Variants in SULT1B1 observed in about 807,000 individuals in gnomAD.
The protein encoded by SULT1B1 is sulfotransferase 1B1.
In SULT1B1, 28 loss-of-function variants were observed where a neutral mutation model predicts 34.6. The observed-to-expected ratio is 0.81, with a 90% CI of 0.60 to 1.11. The LOEUF is 1.11. Among genes scored for constraint, SULT1B1 ranks in the 50% least tolerant of loss-of-function variants. SULT1B1 has a pLI of 0.00. For synonymous variants in SULT1B1, 147 were observed against 110.2 expected, an observed-to-expected ratio of 1.33 and a Z score of -2.09; for missense variants, 374 against 352.2, an observed-to-expected ratio of 1.06 and a Z score of -0.50.
chr4:69,743,422 T>C (rs1184377796), intron 4 of SULT1B1, among the ~76,000 whole-genome samples: 1 of 152,068 alleles, frequency 6.6e-6, no homozygotes, highest in Non-Finnish European at 1.5e-5. Context: ...GTCCCATTGG[T>C]CCATGGGCAG....
In SULT1B1 at chr4:69,724,427, A is replaced by T. The variant is rs1297584872; in HGVS notation, c.*2661T>A. 6.6e-6 allele frequency: 1 copy of T among 152,154 alleles called. No individual in the cohort carries two copies. Among genetic ancestry groups the T allele is most frequent in the Non-Finnish European group, 1.5e-5 (1 of 68,044 alleles). 9.4% of individuals were successfully genotyped at this position (152,154 alleles called of 1,614,324 possible). On this transcript the variant is annotated 3_prime_UTR_variant, in exon 8 of 8. Transcript: ENST00000310613. ...CTCATGGATAGGAAGAATCAATATCATGAAAATGGCCATACTGCCCAAGGT... is the reference window on the plus strand; with the variant it reads ...CTCATGGATAGGAAGAATCAATATCTTGAAAATGGCCATACTGCCCAAGGT...
In SULT1B1 at chr4:69,758,552, A is replaced by G. The variant is rs545478186; in HGVS notation, c.-45+1907T>C. 2.2e-3 allele frequency: 1,825 copies of G among 822,438 alleles called. 1 individual carries two copies. The highest frequency in any genetic ancestry group is 3.0e-3 in the Admixed American group (48 of 16,064). 50.9% of individuals were successfully genotyped at this position (822,438 alleles called of 1,614,324 possible). ...ATTGTCTATTCTGAATTAATTGAGA[A>G]AAATAAATGAGTCTCTATTCATCGG... On this transcript the variant is annotated intron_variant, in intron 1 of 7. Coordinates refer to ENST00000310613, the MANE Select transcript of SULT1B1 (RefSeq NM_014465.4).
chr4:69,736,768 A>G (rs1718330022), intron 4 of SULT1B1, among the ~76,000 whole-genome samples: 1 of 152,124 alleles, frequency 6.6e-6, no homozygotes, highest in Non-Finnish European at 1.5e-5. Context: ...AGAATCAGCA[A>G]ACATAAAGGT....
chr4:69,746,614 T>C (rs1239818923), intron 4 of SULT1B1, among the ~76,000 whole-genome samples: 1 of 152,228 alleles, frequency 6.6e-6, no homozygotes, highest in Non-Finnish European at 1.5e-5. Flanking sequence ...AGTTTTACTG[T>C]ATTCCTTGGA....
In SULT1B1 at chr4:69,723,368, T is replaced by G. The variant is rs1717713115; in HGVS notation, c.*3720A>C. 1 of 152,084 alleles carries G rather than the reference T, an allele frequency of 6.6e-6. No individual in the cohort carries two copies. Among genetic ancestry groups the G allele is most frequent in the Admixed American group, 6.6e-5 (1 of 15,266 alleles). The allele number at this position is 152,084 out of a possible 1,614,324, so 9.4% of individuals were successfully genotyped here. On this transcript the variant is annotated 3_prime_UTR_variant, in exon 8 of 8. Transcript: ENST00000310613. ...AATAGAAAAATAACATGCTCTGAAA[T>G]AGAGGCAATAATTAATAGCTTACCA...
In SULT1B1 at chr4:69,760,567, G is replaced by A. The variant is rs1010766264; in HGVS notation, c.-153C>T. 1.3e-5 allele frequency: 2 copies of A among 152,072 alleles called. No homozygotes were observed. Among genetic ancestry groups the A allele is most frequent in the African/African-American group, 4.8e-5 (2 of 41,362 alleles). 9.4% of individuals were successfully genotyped at this position (152,072 alleles called of 1,614,324 possible). A position where few individuals can be genotyped will look rare whatever the true frequency, so the allele number is the denominator to read the frequency against. ...TGGCAGGCAATGGGGAGCACAGGAAGGCTCCTGGCACCAGAAAAAAAAAAG... is the reference window on the plus strand; with the variant it reads ...TGGCAGGCAATGGGGAGCACAGGAAAGCTCCTGGCACCAGAAAAAAAAAAG... On this transcript the variant is annotated 5_prime_UTR_variant, in exon 1 of 8. Transcript: ENST00000310613.
chr4:69,751,088 T>A (rs539254230), intron 3 of SULT1B1, among the ~76,000 whole-genome samples: 21 of 152,382 alleles, frequency 1.4e-4, no homozygotes, highest in Non-Finnish European at 1.6e-4. Context: ...TGTATTTTAT[T>A]TGCCAATATA....
chr4:69,758,215 T>A (rs1719262688), intron 1 of SULT1B1: 1 of 766,246 alleles, frequency 1.3e-6, no homozygotes, highest in Non-Finnish European at 1.6e-6. Context: ...GAAAAGAAAG[T>A]AAGTCTGTAA....
rs200172745 is a variant in SULT1B1 at position 69,726,302 on chromosome 4, A to T, written c.*786T>A. The T allele has an allele frequency of 1.3e-5, 2 of 151,336 alleles. No individual in the cohort carries two copies. Among genetic ancestry groups the T allele is most frequent in the East Asian group, 2.0e-4 (1 of 5,114 alleles). The allele number at this position is 151,336 out of a possible 1,614,324, so 9.4% of individuals were successfully genotyped here. A position where few individuals can be genotyped will look rare whatever the true frequency, so the allele number is the denominator to read the frequency against. Reference sequence around the variant, plus strand: ...AATCTATCCAAATATAAGATTAAGTAACTGAAGTTCCCAAATGGTGACCAG... The same window carrying T: ...AATCTATCCAAATATAAGATTAAGTTACTGAAGTTCCCAAATGGTGACCAG... On this transcript the variant is annotated 3_prime_UTR_variant, in exon 8 of 8. Coordinates refer to ENST00000310613, the MANE Select transcript of SULT1B1 (RefSeq NM_014465.4).
chr4:69,736,606 A>T (rs750307093), intron 4 of SULT1B1, among the ~76,000 whole-genome samples: 63 of 152,350 alleles, frequency 4.1e-4, no homozygotes, highest in Non-Finnish European at 7.5e-4. Context: ...AATTGAAAAA[A>T]AATTTAAAAT....
chr4:69,748,608 A>C (rs1048616737), intron 4 of SULT1B1, among the ~76,000 whole-genome samples: 2 of 152,248 alleles, frequency 1.3e-5, no homozygotes, highest in Admixed American at 1.3e-4. Context: ...TTAACAAGAT[A>C]GAACAAGATG....
chr4:69,752,281 G>C (rs1179815523), intron 3 of SULT1B1, among the ~76,000 whole-genome samples: 2 of 152,242 alleles, frequency 1.3e-5, no homozygotes, highest in East Asian at 3.9e-4. Context: ...TTTCGCCCAG[G>C]CTGGAGTACA....
Position 69,754,811 on chromosome 4 carries a change from G to A in SULT1B1, c.149-13C>T. 3 of 1,605,482 alleles carry A rather than the reference G, an allele frequency of 1.9e-6. No homozygotes were observed. Among genetic ancestry groups the A allele is most frequent in the Non-Finnish European group, 2.6e-6 (3 of 1,176,168 alleles). On this transcript the variant is annotated splice_polypyrimidine_tract_variant and intron_variant, in intron 2 of 7. Transcript: ENST00000310613. ...ACCCAAGTAGTACCTGTGACAAAAG[G>A]CAACATTTTCAAAATAATTACCCAA...
In SULT1B1 at chr4:69,749,813, C is replaced by G. The variant is rs1490798718; in HGVS notation, c.283G>C (p.Glu95Gln). The G allele has an allele frequency of 6.2e-7, 1 of 1,611,936 alleles. No individual in the cohort carries two copies. Among genetic ancestry groups the G allele is most frequent in the South Asian group, 1.1e-5 (1 of 91,024 alleles). ...TLPGLRTSGIEQLEKNPSPRI... is the reference protein window; with the variant it reads ...TLPGLRTSGIQQLEKNPSPRI... The stretch of plus-strand genomic sequence containing the variant: ...GGTGATGGATTCTTCTCCAATTGTT[C>G]TATACCTGAGAAATTTAGTTAAGTA... The change falls in exon 4 of 8, where the codon GAA (glutamate) becomes CAA (glutamine). Residue 95 changes from glutamate to glutamine, a missense_variant. Coordinates refer to ENST00000310613, the MANE Select transcript of SULT1B1 (RefSeq NM_014465.4).
intron 1 of SULT1B1, among the ~76,000 whole-genome samples, chr4:69,758,028 T>TTA (rs1169099548): frequency 1.3e-5 from 2 of 152,174 alleles, no homozygotes; most frequent in Admixed American, 1.3e-4. Flanking sequence ...TCTATATGCT[T>TTA]CTCAGTTATC....
At chr4:69,732,655 A>G (rs1001233834) in intron 6 of SULT1B1, among the ~76,000 whole-genome samples, 1 of 151,648 alleles carries the variant, frequency 6.6e-6, no homozygotes. Context: ...GTCTGTGTGT[A>G]TTTGGCAATT....
intron 3 of SULT1B1, among the ~76,000 whole-genome samples, chr4:69,753,138 T>C (rs1719044192): frequency 1.3e-5 from 2 of 152,204 alleles, no homozygotes; most frequent in Admixed American, 6.5e-5. Context: ...ATTATAATTT[T>C]CTCCAATGTC....
intron 4 of SULT1B1, 98 bp downstream of exon 4, chr4:69,749,623 A>G (rs1718894109): frequency 1.2e-6 from 1 of 807,202 alleles, no homozygotes; most frequent in East Asian, 2.7e-5. Flanking sequence ...TTGCAAGTAT[A>G]TGGTTAAAGA....
At chr4:69,734,691 G>A (rs759976043) in intron 4 of SULT1B1, among the ~76,000 whole-genome samples, 7 of 151,980 alleles carry the variant, frequency 4.6e-5, no homozygotes, top group Non-Finnish European at 8.8e-5. Flanking sequence ...GTGAAATACC[G>A]AGAAAAATAT....
Sources: allele counts gnomAD v4.1 joint callset (sites outside exome capture counted in the v4.1 genomes callset), GRCh38; gene constraint gnomAD v4.1.1; transcripts MANE v1.5; gene names NCBI Gene and HGNC (gene_info 2026-07-23, HGNC 2026-07-21).